CD4: variants seen among roughly 807,000 people sequenced by gnomAD.
CD4 encodes the protein CD4 molecule, also known as T-cell surface glycoprotein CD4.
In CD4, 25 loss-of-function variants were observed where a neutral mutation model predicts 50.5. The observed-to-expected ratio is 0.49, with a 90% CI of 0.36 to 0.69. The LOEUF (loss-of-function observed/expected upper bound fraction) is 0.69. CD4 is among the 30% of genes least tolerant of loss of function. CD4 has a pLI of 0.00. For missense variants in CD4, 456 were observed against 548.5 expected, an observed-to-expected ratio of 0.83 and a Z score of 1.68; for synonymous variants, 207 against 221.9, an observed-to-expected ratio of 0.93 and a Z score of 0.60.
At chr12:6,800,285 G>A in intron 2 of CD4, 22 bp from the exon 3 acceptor site, 2 of 1,613,732 alleles carry the variant, frequency 1.2e-6, no homozygotes, top group Non-Finnish European at 1.7e-6. Context: ...ATTGAGACCT[G>A]ACTCCTTTCT....
Position 6,816,019 on chromosome 12 carries a change from A to G in CD4, c.608-37A>G, listed in dbSNP as rs782459506. On this transcript the variant is annotated intron_variant, in intron 5 of 9. Coordinates refer to ENST00000011653, the MANE Select transcript of CD4 (RefSeq NM_000616.5). This position sits in a 1 kb window ranked among gnomAD's most constrained non-coding sequence, Gnocchi z 4.9. ...CCCACTCGTGCACCCTCATCTTCCTATCTCCTCACCCAGGGTCTCTCCCTT... is the reference window on the plus strand; with the variant it reads ...CCCACTCGTGCACCCTCATCTTCCTGTCTCCTCACCCAGGGTCTCTCCCTT... The G allele has an allele frequency of 1.9e-6, 3 of 1,612,730 alleles. No homozygotes were observed. Among genetic ancestry groups the G allele is most frequent in the South Asian group, 2.2e-5 (2 of 90,848 alleles).
intron 3 of CD4, among the ~76,000 whole-genome samples, chr12:6,808,450 C>CAAAAAAAAAAAAAAAA (rs3032789): frequency 1.1e-4 from 4 of 37,796 alleles, no homozygotes; most frequent in African/African-American, 2.0e-4. Context: ...GATTCTGTCT[C>CAAAAAAAAAAAAAAAA]AAAAAAAAAA....
intron 3 of CD4, among the ~76,000 whole-genome samples, chr12:6,810,741 G>A (rs1179705112): frequency 6.6e-6 from 1 of 152,180 alleles, no homozygotes; most frequent in African/African-American, 2.4e-5. Context: ...TTTGGTAAAG[G>A]AACTGTGAAA....
Position 6,816,345 on chromosome 12 carries a change from G to A in CD4, c.897G>A (p.Leu299=), listed in dbSNP as rs368363652. The change falls in exon 6 of 10, where the codon CTG becomes CTA. Residue 299 remains leucine (L), a synonymous_variant. Coordinates refer to ENST00000011653, the MANE Select transcript of CD4 (RefSeq NM_000616.5). The surrounding 1 kb of genome is among the most constrained non-coding windows in gnomAD (Gnocchi z 4.9). Reference sequence around the variant, plus strand: ...ATGCTGGCTCTGGAAACCTCACCCTGGCCCTTGAAGCGAAAACAGGAAAGT... The same window carrying A: ...ATGCTGGCTCTGGAAACCTCACCCTAGCCCTTGAAGCGAAAACAGGAAAGT... The part of the protein sequence containing the change: ...PQYAGSGNLT[L]ALEAKTGKLH... 1.2e-6 allele frequency: 2 copies of A among 1,614,228 alleles called. No homozygotes were observed. The highest frequency in any genetic ancestry group is 1.1e-5 in the South Asian group (1 of 91,090).
In CD4 at chr12:6,818,945, G is replaced by A. The variant is rs781949199; in HGVS notation, c.1346+31G>A. On this transcript the variant is annotated intron_variant, in intron 9 of 9. Transcript: ENST00000011653. This position sits in a 1 kb window ranked among gnomAD's most constrained non-coding sequence, Gnocchi z 5.0. Reference sequence around the variant, plus strand: ...GATCTGGGAGGAGGGGTTGAGAGAGGGGAAAGGGGGAGGGGGAGGGAGTTA... The same window carrying A: ...GATCTGGGAGGAGGGGTTGAGAGAGAGGAAAGGGGGAGGGGGAGGGAGTTA... 4 of 1,123,352 alleles carry A rather than the reference G, an allele frequency of 3.6e-6. No homozygotes were observed. The East Asian group carries it at 9.7e-5, about 27-fold the overall frequency. 69.6% of individuals were successfully genotyped at this position (1,123,352 alleles called of 1,614,324 possible). A position where few individuals can be genotyped will look rare whatever the true frequency, so the allele number is the denominator to read the frequency against.
chr12:6,795,341 C>A (rs953162571), intron 1 of CD4, among the ~76,000 whole-genome samples: 5 of 152,082 alleles, frequency 3.3e-5, no homozygotes, highest in Non-Finnish European at 7.4e-5. Context: ...GCACCTACCA[C>A]GTATTAAGCC....
chr12:6,812,767 ATTTTTGTGTGTGTGTGTGTGTG>A (rs1399029544), intron 3 of CD4, among the ~76,000 whole-genome samples: 1 of 144,372 alleles, frequency 6.9e-6, no homozygotes, highest in Non-Finnish European at 1.5e-5. Flanking sequence ...AACCAAGGTT[ATTTTTGTGTGTGTGTGTGTGTG>A]TGTGTGTGTG....
At chr12:6,793,120 G>A (rs966779455) in intron 1 of CD4, among the ~76,000 whole-genome samples, 5 of 152,120 alleles carry the variant, frequency 3.3e-5, no homozygotes, top group Admixed American at 3.3e-4. Flanking sequence ...CAGATCTCTG[G>A]GGTGGCAGCG....
chr12:6,791,522 C>T (rs993884511), intron 1 of CD4, among the ~76,000 whole-genome samples: 5 of 152,210 alleles, frequency 3.3e-5, no homozygotes, highest in African/African-American at 9.6e-5. Context: ...GCATTACAGA[C>T]GTGAGCCACC....
rs1338691523 is a variant in CD4 at position 6,816,865 on chromosome 12, C to T, written c.956-265C>T. The stretch of plus-strand genomic sequence containing the variant: ...ACTTGATGCTCAGCACGTGTCGGGC[C>T]CCATCCAAACACTTTACATGTATGC... On this transcript the variant is annotated intron_variant, in intron 6 of 9. Coordinates refer to ENST00000011653, the MANE Select transcript of CD4 (RefSeq NM_000616.5). The surrounding 1 kb of genome is among the most constrained non-coding windows in gnomAD (Gnocchi z 4.9). 2.0e-5 allele frequency among the ~76,000 whole-genome samples: 3 copies of T among 152,178 alleles called. No homozygotes were observed. Among genetic ancestry groups the T allele is most frequent in the Non-Finnish European group, 4.4e-5 (3 of 68,038 alleles).
At position 6,818,618 on chromosome 12, in the gene CD4, A is replaced by G. The variant is rs73258731; in HGVS notation, c.1278+76A>G. The G allele has an allele frequency of 2.9e-4, 465 of 1,585,532 alleles. 1 individual carries two copies. In the African/African-American group the frequency reaches 5.6e-3, roughly 19 times the overall value. ...TCTACCAGGAGATCCTGTATATGGG[A>G]ACTGATTTTGGCCCAGCTCCCTCTG... On this transcript the variant is annotated intron_variant, in intron 8 of 9. Coordinates refer to ENST00000011653, the MANE Select transcript of CD4 (RefSeq NM_000616.5). The surrounding 1 kb of genome is among the most constrained non-coding windows in gnomAD (Gnocchi z 5.0).
intron 7 of CD4, 65 bp downstream of exon 7, chr12:6,817,395 A>T: frequency 2.1e-6 from 3 of 1,403,766 alleles, no homozygotes; most frequent in Non-Finnish European, 3.0e-6. Context: ...GTTGGCAGAG[A>T]CCACCCAGAG....
chr12:6,800,137 C>T lies in CD4; in HGVS notation c.-2C>T, dbSNP rs1414527559. ...GCCCCTGCCTCCCTCGGCAAGGCCACAATGAACCGGGGAGTCCCTTTTAGG... is the reference window on the plus strand; with the variant it reads ...GCCCCTGCCTCCCTCGGCAAGGCCATAATGAACCGGGGAGTCCCTTTTAGG... On this transcript the variant is annotated 5_prime_UTR_variant, in exon 2 of 10. Transcript: ENST00000011653. 6.2e-7 allele frequency: 1 copy of T among 1,613,974 alleles called. No homozygotes were observed. The highest frequency in any genetic ancestry group is 2.2e-5 in the East Asian group (1 of 44,882).
In CD4 at chr12:6,814,222, C is replaced by T; in HGVS notation, c.295C>T (p.Leu99Phe). The T allele has an allele frequency of 6.2e-7, 1 of 1,614,106 alleles. No homozygotes were observed. The highest frequency in any genetic ancestry group is 8.5e-7 in the Non-Finnish European group (1 of 1,179,956). ...QGNFPLIIKN[L>F]KIEDSDTYIC... ...AAACTTTCCCCTGATCATCAAGAAT[C>T]TTAAGATAGAAGACTCAGATACTTA... The change falls in exon 4 of 10, where the codon CTT becomes TTT. Residue 99 changes from leucine (L) to phenylalanine (F), a missense_variant. Leu to Phe is a conservative substitution (Grantham distance 22, BLOSUM62 0). Coordinates refer to ENST00000011653, the MANE Select transcript of CD4 (RefSeq NM_000616.5).
chr12:6,818,651 G>C lies in CD4; in HGVS notation c.1278+109G>C, dbSNP rs55973193. 1.9e-5 allele frequency: 26 copies of C among 1,401,722 alleles called. No individual in the cohort carries two copies. The highest frequency in any genetic ancestry group is 2.5e-5 in the Non-Finnish European group (25 of 1,003,768). 86.8% of individuals were successfully genotyped at this position (1,401,722 alleles called of 1,614,324 possible). ...TTGGCCCAGCTCCCTCTGCCCACTC[G>C]TAAGTTCCCTTGCTGCCCTGTCCCA... On this transcript the variant is annotated intron_variant, in intron 8 of 9. Coordinates refer to ENST00000011653, the MANE Select transcript of CD4 (RefSeq NM_000616.5). The surrounding 1 kb of genome is among the most constrained non-coding windows in gnomAD (Gnocchi z 5.0).
intron 1 of CD4, among the ~76,000 whole-genome samples, chr12:6,796,223 G>A (rs1203564430): frequency 6.6e-6 from 1 of 152,204 alleles, no homozygotes; most frequent in African/African-American, 2.4e-5. Context: ...TCAAGCTAGA[G>A]GAGGAGAGTT....
chr12:6,795,477 T>C (rs1193376997), intron 1 of CD4, among the ~76,000 whole-genome samples: 1 of 152,178 alleles, frequency 6.6e-6, no homozygotes, highest in African/African-American at 2.4e-5. Context: ...GAGTGCCCCA[T>C]TCCTCTCCAC....
rs1416578538 is a variant in CD4 at position 6,792,803 on chromosome 12, A to G, written c.-68+3141A>G. ...TGAAAAAGGAGAAGAGGCAAGGGGC[A>G]TTCCAGGGGAGCCCGGGAGAGCCAG... On this transcript the variant is annotated intron_variant, in intron 1 of 9. Transcript: ENST00000011653. The surrounding 1 kb of genome is among the most constrained non-coding windows in gnomAD (Gnocchi z 4.1). Among the ~76,000 whole-genome samples the G allele has an allele frequency of 6.6e-6, 1 of 152,200 alleles. No homozygotes were observed. The highest frequency in any genetic ancestry group is 1.5e-5 in the Non-Finnish European group (1 of 68,032).
At chr12:6,815,882 A>T in intron 5 of CD4, 174 bp from the exon 6 acceptor site, 1 of 1,521,738 alleles carries the variant, frequency 6.6e-7, no homozygotes, top group Non-Finnish European at 8.8e-7. Flanking sequence ...TGGGTGGAAG[A>T]AGGGAGAGAA....
Sources: allele counts gnomAD v4.1 joint callset (sites outside exome capture counted in the v4.1 genomes callset), GRCh38; gene constraint gnomAD v4.1.1; non-coding constraint Gnocchi (gnomAD v3.1); transcripts MANE v1.5; gene names NCBI Gene and HGNC (gene_info 2026-07-23, HGNC 2026-07-21).